The following DOCK9 variants were observed in gnomAD, a reference collection of about 807,000 sequenced individuals.
DOCK9 encodes the protein dedicator of cytokinesis 9, also known as dedicator of cytokinesis protein 9.
In DOCK9, 89 loss-of-function variants were observed where a neutral mutation model predicts 263.3. The ratio of observed to expected loss-of-function variants is 0.34; its 90% CI spans 0.28 to 0.40. DOCK9 has a LOEUF of 0.40. Among genes scored for constraint, DOCK9 ranks in the 10% least tolerant of loss-of-function variants. DOCK9 has a pLI of 1.00. For synonymous variants in DOCK9, 976 were observed against 973.1 expected (o/e 1.00, Z -0.06); for missense variants, 2,140 against 2,603.4 (o/e 0.82, Z 3.87).
chr13:98,847,886 G>A (rs560160985), intron 37 of DOCK9, among the ~76,000 whole-genome samples: 8 of 152,336 alleles, frequency 5.3e-5, no homozygotes, highest in Admixed American at 1.3e-4. Context: ...AGTGGGGCAG[G>A]AGGAAGAACT....
intron 11 of DOCK9, 29 bp downstream of exon 11, chr13:98,902,943 T>G: frequency 6.9e-7 from 1 of 1,459,118 alleles, no homozygotes; most frequent in South Asian, 1.4e-5. Flanking sequence ...ATTTTTTTTT[T>G]AATGTTTATT....
intron 1 of DOCK9, among the ~76,000 whole-genome samples, chr13:99,062,092 G>A (rs763622010): frequency 1.3e-5 from 2 of 151,836 alleles, no homozygotes; most frequent in African/African-American, 2.4e-5. Flanking sequence ...GGCTGGTCTC[G>A]AACTCCTGAG....
At chr13:98,798,545 A>G (rs2089723410) in intron 50 of DOCK9, among the ~76,000 whole-genome samples, 2 of 152,080 alleles carry the variant, frequency 1.3e-5, no homozygotes, top group South Asian at 4.1e-4. Flanking sequence ...AAAATGACTG[A>G]TCATCTAAAA....
chr13:99,057,149 C>T (rs2040963403), intron 1 of DOCK9, among the ~76,000 whole-genome samples: 1 of 152,144 alleles, frequency 6.6e-6, no homozygotes, highest in African/African-American at 2.4e-5. Context: ...CTCAGCTGGA[C>T]CCCCACCCTT....
chr13:98,797,617 ACTT>A, intron 50 of DOCK9, 128 bp from the exon 51 acceptor site: 1 of 745,834 alleles, frequency 1.3e-6, no homozygotes, highest in Admixed American at 2.7e-5. Context: ...CCTTCCAGGA[ACTT>A]AAGCCCAAAA....
rs562295412 is a variant in DOCK9 at position 98,935,301 on chromosome 13, T to A, written c.244-5044A>T. On this transcript the variant is annotated intron_variant, in intron 2 of 52. Coordinates refer to ENST00000682017, the MANE Select transcript of DOCK9 (RefSeq NM_001366683.2). ...GCCAATAAATAAATAAATAAATATATCCATTAAGTCCTAGAACTAAAAACT... is the reference window on the plus strand; with the variant it reads ...GCCAATAAATAAATAAATAAATATAACCATTAAGTCCTAGAACTAAAAACT... 8.5e-5 allele frequency among the ~76,000 whole-genome samples: 13 copies of A among 152,254 alleles called. No individual in the cohort carries two copies. In the East Asian group the frequency reaches 2.5e-3, roughly 29 times the overall value.
Position 98,825,829 on chromosome 13 carries a change from A to T in DOCK9, c.5023+1001T>A. ...CCCCACCACGGGAGGGCACGTGACCAGGGCAGGGGGTCCCCGGGGGCTGGG... is the reference window on the plus strand; with the variant it reads ...CCCCACCACGGGAGGGCACGTGACCTGGGCAGGGGGTCCCCGGGGGCTGGG... On this transcript the variant is annotated intron_variant, in intron 44 of 52. Coordinates refer to ENST00000682017, the MANE Select transcript of DOCK9 (RefSeq NM_001366683.2). The surrounding 1 kb of genome is among the most constrained non-coding windows in gnomAD (Gnocchi z 4.1). The T allele has an allele frequency of 7.3e-7, 1 of 1,363,960 alleles. No homozygotes were observed. The highest frequency in any genetic ancestry group is 9.7e-7 in the Non-Finnish European group (1 of 1,034,758). The allele number at this position is 1,363,960 out of a possible 1,614,324, so 84.5% of individuals were successfully genotyped here. A position where few individuals can be genotyped will look rare whatever the true frequency, so the allele number is the denominator to read the frequency against.
chr13:99,050,983 A>G (rs985606407), intron 1 of DOCK9, among the ~76,000 whole-genome samples: 40 of 152,216 alleles, frequency 2.6e-4, no homozygotes, highest in African/African-American at 9.2e-4. Flanking sequence ...GGTGGACGTA[A>G]GAAGGATGAA....
intron 1 of DOCK9, among the ~76,000 whole-genome samples, chr13:99,044,699 A>G (rs1888788930): frequency 6.6e-6 from 1 of 152,238 alleles, no homozygotes; most frequent in Non-Finnish European, 1.5e-5. Context: ...CTTAAAAGAC[A>G]CAAACTTTGG....
intron 48 of DOCK9, among the ~76,000 whole-genome samples, chr13:98,805,803 C>A (rs2090633169): frequency 6.6e-6 from 1 of 151,994 alleles, no homozygotes; most frequent in Admixed American, 6.6e-5. Flanking sequence ...CTCTTGTTGC[C>A]CAGGCTGGAG....
chr13:98,924,130 C>T (rs1414200923), intron 4 of DOCK9, among the ~76,000 whole-genome samples: 1 of 152,150 alleles, frequency 6.6e-6, no homozygotes, highest in African/African-American at 2.4e-5. Flanking sequence ...ATGGGTTAAG[C>T]CAATCCAATG....
chr13:98,860,773 T>C (rs543792267), intron 32 of DOCK9, among the ~76,000 whole-genome samples: 1 of 152,232 alleles, frequency 6.6e-6, no homozygotes, highest in East Asian at 1.9e-4. Context: ...TAAAGTCTTG[T>C]TTCTCTTTCC....
At chr13:98,853,593 G>T (rs897397882) in intron 34 of DOCK9, 71 bp from the exon 35 acceptor site, 4 of 1,096,624 alleles carry the variant, frequency 3.6e-6, no homozygotes, top group Admixed American at 3.6e-5. Context: ...TTCTCCCTTG[G>T]AAGAGAAAGA....
chr13:98,816,042 A>G (rs1269310743), intron 45 of DOCK9, among the ~76,000 whole-genome samples: 1 of 152,196 alleles, frequency 6.6e-6, no homozygotes, highest in East Asian at 1.9e-4. Flanking sequence ...TCATTGAGTC[A>G]TCCACCTATT....
At chr13:98,878,633 G>C (rs2044246872) in intron 27 of DOCK9, among the ~76,000 whole-genome samples, 1 of 152,222 alleles carries the variant, frequency 6.6e-6, no homozygotes, top group African/African-American at 2.4e-5. Flanking sequence ...GCATGATTTA[G>C]ATGGAGCATT....
intron 1 of DOCK9, among the ~76,000 whole-genome samples, chr13:99,028,802 T>A (rs928762688): frequency 1.3e-5 from 2 of 152,188 alleles, no homozygotes; most frequent in Admixed American, 6.5e-5. Flanking sequence ...TCTTCATTTG[T>A]GTGAGAATGT....
At chr13:98,813,163 AT>A (rs2091480967) in intron 45 of DOCK9, among the ~76,000 whole-genome samples, 1 of 151,996 alleles carries the variant, frequency 6.6e-6, no homozygotes, top group Non-Finnish European at 1.5e-5. Context: ...GTTCTTCGGG[AT>A]TTTCTCTTTA....
At chr13:98,824,260 G>T in intron 45 of DOCK9, 138 bp downstream of exon 45, 1 of 684,596 alleles carries the variant, frequency 1.5e-6, no homozygotes, top group Non-Finnish European at 2.5e-6. Context: ...GTTGTCTGGA[G>T]AATCATCTCA....
At chr13:98,953,841 T>C (rs558962708) in intron 2 of DOCK9, among the ~76,000 whole-genome samples, 1 of 152,344 alleles carries the variant, frequency 6.6e-6, no homozygotes, top group East Asian at 1.9e-4. Flanking sequence ...CATTTACCTG[T>C]TACTTTGGTA....
Sources: allele counts gnomAD v4.1 joint callset (sites outside exome capture counted in the v4.1 genomes callset), GRCh38; gene constraint gnomAD v4.1.1; non-coding constraint Gnocchi (gnomAD v3.1); transcripts MANE v1.5; gene names NCBI Gene and HGNC (gene_info 2026-07-23, HGNC 2026-07-21).